HMGXB3: variants seen among roughly 807,000 people sequenced by gnomAD.
The protein encoded by HMGXB3 is HMG domain-containing protein 3.
In HMGXB3, 45 loss-of-function variants were observed where a neutral mutation model predicts 121.5. That is an observed-to-expected ratio of 0.37 (90% CI 0.29 to 0.47). HMGXB3 has a LOEUF of 0.47. HMGXB3 is among the 20% of genes least tolerant of loss of function. The probability of loss-of-function intolerance (pLI) is 0.99; values close to 1 mark genes in which losing one functional copy is unlikely to be tolerated. For synonymous variants in HMGXB3, 590 were observed against 624.1 expected, an observed-to-expected ratio of 0.95 and a Z score of 0.81; for missense variants, 1,376 against 1,602.2, an observed-to-expected ratio of 0.86 and a Z score of 2.41.
intron 3 of HMGXB3, among the ~76,000 whole-genome samples, chr5:150,008,581 G>T (rs945556257): frequency 5.9e-5 from 9 of 152,356 alleles, no homozygotes; most frequent in African/African-American, 2.2e-4. Flanking sequence ...GTGATGGGAA[G>T]ACCCTCAATG....
In HMGXB3 at chr5:150,030,839, G is replaced by T; in HGVS notation, c.1833G>T (p.Leu611Phe). ...ATAAGTACAGCTGCACTGTCACATT[G>T]GTAAGTATGCAGCTAGGTGGTGGTG... is the stretch of plus-strand genomic sequence containing the variant. ...PPYKYSCTVT[L>F]DLGLATSRGR... Residue 611 changes from leucine to phenylalanine, a missense_variant and splice_region_variant, in exon 10 of 20, where the codon TTG becomes TTT. By Grantham distance (22) the Leu-to-Phe change is conservative (BLOSUM62 0). Transcript: ENST00000502717. The T allele has an allele frequency of 6.5e-7, 1 of 1,549,034 alleles. No homozygotes were observed. Among genetic ancestry groups the T allele is most frequent in the South Asian group, 1.2e-5 (1 of 83,968 alleles).
At chr5:150,016,307 C>G (rs1160519159) in intron 5 of HMGXB3, among the ~76,000 whole-genome samples, 1 of 139,290 alleles carries the variant, frequency 7.2e-6, no homozygotes, top group Non-Finnish European at 1.5e-5. Flanking sequence ...TGCCACTGCA[C>G]TGTAGCCTGA....
At chr5:150,040,229 G>T in intron 13 of HMGXB3, among the ~76,000 whole-genome samples, 1 of 151,782 alleles carries the variant, frequency 6.6e-6, no homozygotes, top group Non-Finnish European at 1.5e-5. Context: ...GCAACTTTGC[G>T]TCAGAACAGT....
intron 15 of HMGXB3, 29 bp downstream of exon 15, chr5:150,041,998 C>G: frequency 3.3e-6 from 5 of 1,534,228 alleles, no homozygotes; most frequent in Non-Finnish European, 4.4e-6. Context: ...CCGTGAGGGA[C>G]CTGCGGAATT....
chr5:150,040,794 T>C lies in HMGXB3; in HGVS notation c.2460T>C (p.Leu820=). Residue 820 remains leucine (L), a synonymous_variant, in exon 14 of 20, where the codon CTT becomes CTC. Coordinates refer to ENST00000502717, the MANE Select transcript of HMGXB3 (RefSeq NM_014983.3). ...AGCTGCTGGTAAGCCTGGACTTGCT[T>C]TTTGCAATCAGAAATCAGATCAAGC... ...GNKLLVSLDL[L]FAIRNQIKLG... is the part of the protein sequence containing the mutation. 6.4e-7 allele frequency: 1 copy of C among 1,552,128 alleles called. No homozygotes were observed. Among genetic ancestry groups the C allele is most frequent in the Non-Finnish European group, 8.7e-7 (1 of 1,147,094 alleles).
At chr5:150,022,241 T>C (rs1325051269) in intron 6 of HMGXB3, among the ~76,000 whole-genome samples, 1 of 152,220 alleles carries the variant, frequency 6.6e-6, no homozygotes, top group Non-Finnish European at 1.5e-5. Flanking sequence ...GCAGCAAGTA[T>C]AATTTGTCTC....
rs1432698299 is a variant in HMGXB3 at position 150,032,593 on chromosome 5, C to G, written c.1973C>G (p.Thr658Ser). The change falls in exon 11 of 20, where the codon ACC becomes AGC. Residue 658 changes from threonine to serine, a missense_variant. Thr to Ser is a moderately conservative substitution (Grantham distance 58). Around this residue, in one of 2 missense-constraint regions of HMGXB3, gnomAD observed 1,116 missense variants for 1,369.0 expected, o/e 0.82. Coordinates refer to ENST00000502717, the MANE Select transcript of HMGXB3 (RefSeq NM_014983.3). ...NLAKDRTEKTTKAIEVSSPLP... is the reference protein window; with the variant it reads ...NLAKDRTEKTSKAIEVSSPLP... ...GCCAAAGACCGGACTGAGAAAACCACCAAGGCTATCGTGAGTTCCTTCCCC... is the reference window on the plus strand; with the variant it reads ...GCCAAAGACCGGACTGAGAAAACCAGCAAGGCTATCGTGAGTTCCTTCCCC... 16 of 1,552,302 alleles carry G rather than the reference C, an allele frequency of 1.0e-5. No homozygotes were observed. Among genetic ancestry groups the G allele is most frequent in the Non-Finnish European group, 1.4e-5 (16 of 1,147,106 alleles).
At chr5:150,008,751 AGTCCAG>A (rs1174234136) in intron 3 of HMGXB3, among the ~76,000 whole-genome samples, 1 of 152,190 alleles carries the variant, frequency 6.6e-6, no homozygotes, top group Non-Finnish European at 1.5e-5. Context: ...GGATTTGTTA[AGTCCAG>A]GCCATGCTGT....
intron 15 of HMGXB3, 27 bp downstream of exon 15, chr5:150,041,996 G>T: frequency 6.5e-7 from 1 of 1,536,920 alleles, no homozygotes; most frequent in South Asian, 1.2e-5. Flanking sequence ...CACCGTGAGG[G>T]ACCTGCGGAA....
chr5:150,040,269 A>T (rs1756598615), intron 13 of HMGXB3, among the ~76,000 whole-genome samples: 1 of 152,136 alleles, frequency 6.6e-6, no homozygotes, highest in Non-Finnish European at 1.5e-5. Context: ...AAAAAAATGG[A>T]TTCCATGTTG....
intron 17 of HMGXB3, 40 bp from the exon 18 acceptor site, chr5:150,048,529 C>A: frequency 1.5e-6 from 2 of 1,346,182 alleles, no homozygotes; most frequent in Non-Finnish European, 2.1e-6. Flanking sequence ...GGTCCCTTAG[C>A]ATTCGCCCTT....
intron 5 of HMGXB3, among the ~76,000 whole-genome samples, chr5:150,017,770 T>C (rs1755990955): frequency 6.6e-6 from 1 of 152,202 alleles, no homozygotes; most frequent in African/African-American, 2.4e-5. Context: ...AGAACAAATA[T>C]GACAGAGAAA....
Position 150,037,387 on chromosome 5 carries a change from T to G in HMGXB3, c.2286-13T>G, listed in dbSNP as rs1245822599. 6.6e-7 allele frequency: 1 copy of G among 1,521,172 alleles called. No individual in the cohort carries two copies. The highest frequency in any genetic ancestry group is 1.4e-5 in the African/African-American group (1 of 71,284). The allele number at this position is 1,521,172 out of a possible 1,614,324, so 94.2% of individuals were successfully genotyped here. ...CCCTTCTTTTTTTTTGTTGGTGATG[T>G]TTCTGGTACTAGCTCCCTGGCTGGG... On this transcript the variant is annotated splice_polypyrimidine_tract_variant and intron_variant, in intron 12 of 19. Transcript: ENST00000502717.
chr5:150,020,746 C>CTTT (rs34111560), intron 6 of HMGXB3, among the ~76,000 whole-genome samples: 14,890 of 135,118 alleles, frequency 0.11, 986 homozygotes, highest in Admixed American at 0.21. Flanking sequence ...ACTGAAACAG[C>CTTT]TTTTTTTTTT....
intron 5 of HMGXB3, among the ~76,000 whole-genome samples, chr5:150,012,820 TGAG>T (rs2113729987): frequency 6.6e-6 from 1 of 152,358 alleles, no homozygotes; most frequent in East Asian, 1.9e-4. Flanking sequence ...GCATCGGGGC[TGAG>T]ATTTATCCCT....
chr5:150,006,622 A>G lies in HMGXB3; in HGVS notation c.287A>G (p.Lys96Arg), dbSNP rs1358192289. The G allele has an allele frequency of 6.4e-7, 1 of 1,552,340 alleles. No individual in the cohort carries two copies. Among genetic ancestry groups the G allele is most frequent in the South Asian group, 1.2e-5 (1 of 84,058 alleles). The change falls in exon 3 of 20, where the codon AAA becomes AGA. Residue 96 changes from lysine (K) to arginine (R), a missense_variant. Physicochemically the swap from Lys to Arg is conservative, Grantham distance 26 (BLOSUM62 2). Transcript: ENST00000502717. ...AERSYYLEKAKLEKEGLDPNS... is the reference protein window; with the variant it reads ...AERSYYLEKARLEKEGLDPNS... ...AGGAGTTACTACTTGGAGAAAGCCA[A>G]ACTAGAGAAGGAAGGTTTGGATCCT...
chr5:150,005,288 G>A (rs1028116414), intron 2 of HMGXB3, among the ~76,000 whole-genome samples: 18 of 152,298 alleles, frequency 1.2e-4, no homozygotes, highest in South Asian at 4.1e-4. Flanking sequence ...TTAAAACAAA[G>A]CATTAATAAA....
chr5:150,005,093 A>C, intron 2 of HMGXB3, 104 bp downstream of exon 2: 1 of 1,411,240 alleles, frequency 7.1e-7, no homozygotes, highest in Non-Finnish European at 9.4e-7. Flanking sequence ...GAGTGTTATG[A>C]TTGAAGTCCT....
At chr5:150,017,492 A>G in intron 5 of HMGXB3, among the ~76,000 whole-genome samples, 1 of 152,252 alleles carries the variant, frequency 6.6e-6, no homozygotes, top group East Asian at 1.9e-4. Flanking sequence ...CCCAAGAGTT[A>G]AGGTTCCTTA....
Sources: gnomAD v4.1 joint callset for allele counts (sites outside exome capture counted in the v4.1 genomes callset) on GRCh38, gnomAD v4.1.1 for gene constraint, gnomAD v4.1.1 regional missense constraint, MANE v1.5 for transcripts, NCBI Gene and HGNC (gene_info 2026-07-23, HGNC 2026-07-21) for gene names.